Variants in NFIB observed in about 807,000 individuals in gnomAD.
NFIB encodes the protein nuclear factor I B, also known as nuclear factor 1 B-type.
Under a neutral mutation model 61.5 loss-of-function variants are expected in NFIB, and 11 were observed. The ratio of observed to expected loss-of-function variants is 0.18; its 90% CI spans 0.11 to 0.30. NFIB has a LOEUF of 0.30. Ranked by LOEUF, NFIB falls within the 10% of genes least tolerant of loss-of-function variation. The probability of loss-of-function intolerance (pLI) is 1.00; values close to 1 mark genes in which losing one functional copy is unlikely to be tolerated. For missense variants in NFIB, 471 were observed against 608.9 expected, an observed-to-expected ratio of 0.77 and a Z score of 2.38; for synonymous variants, 260 against 216.5, an observed-to-expected ratio of 1.20 and a Z score of -1.76.
At chr9:14,181,733 T>A (rs1001203426) in intron 2 of NFIB, among the ~76,000 whole-genome samples, 1 of 152,228 alleles carries the variant, frequency 6.6e-6, no homozygotes, top group South Asian at 2.1e-4. Context: ...TACTTATGTA[T>A]AATACACCCA....
At chr9:14,136,669 G>A (rs2041086817) in intron 6 of NFIB, among the ~76,000 whole-genome samples, 1 of 152,114 alleles carries the variant, frequency 6.6e-6, no homozygotes, top group African/African-American at 2.4e-5. Context: ...TACTTTAGTG[G>A]ATTTACAGGA....
chr9:14,218,042 G>A (rs933287571), intron 2 of NFIB, among the ~76,000 whole-genome samples: 11 of 152,086 alleles, frequency 7.2e-5, no homozygotes, highest in African/African-American at 2.2e-4. Context: ...GTGTTTGCTG[G>A]GAGTTCCTGT....
chr9:14,509,978 C>G, the NFIB span, among the ~76,000 whole-genome samples: 1 of 152,168 alleles, frequency 6.6e-6, no homozygotes, highest in Non-Finnish European at 1.5e-5. Context: ...CTCACTGCAA[C>G]CTTCGCTTCC....
At chr9:14,179,850 C>T (rs1211085586) in intron 2 of NFIB, 70 bp from the exon 3 acceptor site, 4 of 1,492,656 alleles carry the variant, frequency 2.7e-6, no homozygotes, top group Non-Finnish European at 3.6e-6. Context: ...CCTCAAAGGA[C>T]TCGAAAAAAA....
Position 14,083,730 on chromosome 9 carries a change from AAAG to A in NFIB, c.*4576_*4578del, listed in dbSNP as rs566472955. ...CAGTACATAGAATTTGAATCTAGGT[AAAG>A]AACATGTCCTGCTGTCACACCGCTG... is the stretch of plus-strand genomic sequence containing the variant. On this transcript the variant is annotated 3_prime_UTR_variant, in exon 11 of 11. Transcript: ENST00000380953. 3.3e-4 allele frequency: 75 copies of A among 225,066 alleles called. No individual in the cohort carries two copies. The highest frequency in any genetic ancestry group is 1.6e-3 in the African/African-American group (74 of 44,950). 13.9% of individuals were successfully genotyped at this position (225,066 alleles called of 1,614,324 possible). A position where few individuals can be genotyped will look rare whatever the true frequency, so the allele number is the denominator to read the frequency against.
the NFIB span, among the ~76,000 whole-genome samples, chr9:14,445,929 A>G: frequency 2.0e-5 from 3 of 152,110 alleles, no homozygotes; most frequent in Non-Finnish European, 4.4e-5. Flanking sequence ...GCCATTAGAG[A>G]GTTTTCTGGT....
At chr9:14,330,129 A>G (rs1346617942) in intron 1 of NFIB, among the ~76,000 whole-genome samples, 9 of 152,282 alleles carry the variant, frequency 5.9e-5, no homozygotes, top group African/African-American at 2.2e-4. Context: ...TCCGTCTCAA[A>G]AAACAAAACA....
At chr9:14,236,372 C>T (rs140661647) in intron 2 of NFIB, among the ~76,000 whole-genome samples, 2 of 152,158 alleles carry the variant, frequency 1.3e-5, no homozygotes, top group Non-Finnish European at 2.9e-5. Flanking sequence ...GTGATTGAGA[C>T]AGAAATTAAA....
chr9:14,474,412 C>G, the NFIB span, among the ~76,000 whole-genome samples: 1,440 of 152,280 alleles, frequency 9.5e-3, 27 homozygotes, highest in African/African-American at 0.033. Context: ...GACTCCACCT[C>G]CAAACACTAT....
At chr9:14,199,587 A>G (rs1004181346) in intron 2 of NFIB, among the ~76,000 whole-genome samples, 3 of 152,206 alleles carry the variant, frequency 2.0e-5, no homozygotes, top group Non-Finnish European at 2.9e-5. Flanking sequence ...AACAGCAAAA[A>G]AAGTAAAGAT....
the NFIB span, among the ~76,000 whole-genome samples, chr9:14,529,124 T>C: frequency 6.6e-6 from 1 of 152,308 alleles, no homozygotes; most frequent in Non-Finnish European, 1.5e-5. Flanking sequence ...TTGTTTATTT[T>C]TAGCTGTCTC....
rs2033159469 is a variant in NFIB, at chr9:14,088,165, T to A, written c.*144A>T. 7.0e-6 allele frequency: 10 copies of A among 1,421,726 alleles called. No individual in the cohort carries two copies. The highest frequency in any genetic ancestry group is 1.6e-5 in the South Asian group (1 of 63,716). 88.1% of individuals were successfully genotyped at this position (1,421,726 alleles called of 1,614,324 possible). A position where few individuals can be genotyped will look rare whatever the true frequency, so the allele number is the denominator to read the frequency against. On this transcript the variant is annotated 3_prime_UTR_variant, in exon 11 of 11. Transcript: ENST00000380953. Reference sequence around the variant, plus strand: ...CCTTTTTTTTTATTTAAAAAAAAAATTTCTTAAACTATTGTTGTGTTTCTT... The same window carrying A: ...CCTTTTTTTTTATTTAAAAAAAAAAATTCTTAAACTATTGTTGTGTTTCTT...
At chr9:14,360,637 C>A (rs575175267) in intron 1 of NFIB, among the ~76,000 whole-genome samples, 1 of 151,886 alleles carries the variant, frequency 6.6e-6, no homozygotes, top group Admixed American at 6.6e-5. Context: ...CTCCGCCTCC[C>A]GGGCTCACAC....
the NFIB span, among the ~76,000 whole-genome samples, chr9:14,487,039 C>G: frequency 6.6e-6 from 1 of 151,866 alleles, no homozygotes; most frequent in African/African-American, 2.4e-5. Flanking sequence ...CTTTTTTTCA[C>G]TCTCTAACCA....
rs372249408 is a variant in NFIB, at chr9:14,215,227, T to C, written c.563-35447A>G. Reference sequence around the variant, plus strand: ...CATCAACTTTCACATCAGTTTCTCATAGACTGTCCAGCATATTGGAACCGA... The same window carrying C: ...CATCAACTTTCACATCAGTTTCTCACAGACTGTCCAGCATATTGGAACCGA... On this transcript the variant is annotated intron_variant, in intron 2 of 10. Coordinates refer to ENST00000380953, the MANE Select transcript of NFIB (RefSeq NM_001190737.2). 3.5e-5 allele frequency among the ~76,000 whole-genome samples: 5 copies of C among 143,344 alleles called. No homozygotes were observed. In the South Asian group the frequency reaches 1.0e-3, roughly 30 times the overall value. 94.0% of individuals were successfully genotyped at this position (143,344 alleles called of 152,430 possible). A position where few individuals can be genotyped will look rare whatever the true frequency, so the allele number is the denominator to read the frequency against.
intron 1 of NFIB, among the ~76,000 whole-genome samples, chr9:14,335,766 T>C (rs1020609172): frequency 6.6e-6 from 1 of 152,182 alleles, no homozygotes; most frequent in Admixed American, 6.5e-5. Context: ...CATGAAAGAT[T>C]TTTTCCCTCT....
At chr9:14,227,804 G>A (rs138056207) in intron 2 of NFIB, among the ~76,000 whole-genome samples, 141 of 152,264 alleles carry the variant, frequency 9.3e-4, no homozygotes, top group African/African-American at 3.3e-3. Flanking sequence ...TTAATAACGT[G>A]CCCAAGTTAA....
chr9:14,199,590 G>C (rs550061752), intron 2 of NFIB, among the ~76,000 whole-genome samples: 1 of 152,304 alleles, frequency 6.6e-6, no homozygotes, highest in East Asian at 1.9e-4. Context: ...AGCAAAAAAA[G>C]TAAAGATGTG....
At chr9:14,241,415 G>A (rs906450507) in intron 2 of NFIB, among the ~76,000 whole-genome samples, 2 of 152,120 alleles carry the variant, frequency 1.3e-5, no homozygotes, top group Non-Finnish European at 2.9e-5. Context: ...TAGGACAGAA[G>A]TAGCTGCATG....
Sources: allele counts gnomAD v4.1 joint callset (sites outside exome capture counted in the v4.1 genomes callset), GRCh38; gene constraint gnomAD v4.1.1; transcripts MANE v1.5; gene names NCBI Gene and HGNC (gene_info 2026-07-23, HGNC 2026-07-21).